The following GRIK2 variants were observed in gnomAD, a reference collection of about 807,000 sequenced individuals.
GRIK2 encodes glutamate ionotropic receptor kainate type subunit 2.
GRIK2 carries 32 observed loss-of-function variants against 100.3 expected under a neutral mutation model. The ratio of observed to expected loss-of-function variants is 0.32; its 90% CI spans 0.24 to 0.43. The LOEUF is 0.43. Among genes scored for constraint, GRIK2 ranks in the 20% least tolerant of loss-of-function variants. The pLI, the probability that GRIK2 is intolerant of heterozygous loss-of-function variation, is 1.00. For synonymous variants in GRIK2, 417 were observed against 389.4 expected (o/e 1.07, Z -0.83); for missense variants, 843 against 1,114.9 (o/e 0.76, Z 3.47).
At chr6:101,720,446 C>T (rs1583020169) in intron 7 of GRIK2, among the ~76,000 whole-genome samples, 1 of 151,878 alleles carries the variant, frequency 6.6e-6, no homozygotes, top group East Asian at 1.9e-4. Flanking sequence ...CTTAAATATT[C>T]ATCAAACAGA....
chr6:101,585,078 T>C (rs2128304413), intron 2 of GRIK2, among the ~76,000 whole-genome samples: 1 of 152,126 alleles, frequency 6.6e-6, no homozygotes, highest in Admixed American at 6.6e-5. Context: ...CTCAGCTATA[T>C]GAATAATTGA....
intron 13 of GRIK2, among the ~76,000 whole-genome samples, chr6:101,926,978 A>G (rs779949858): frequency 2.0e-5 from 3 of 152,216 alleles, no homozygotes; most frequent in Non-Finnish European, 2.9e-5. Flanking sequence ...TAGGCAGCCA[A>G]TGCTGCTCAT....
At chr6:101,955,576 T>TTCTCTCTCTCTCTATCTCTC (rs1791868143) in intron 14 of GRIK2, among the ~76,000 whole-genome samples, 1 of 116,288 alleles carries the variant, frequency 8.6e-6, no homozygotes, top group Non-Finnish European at 1.7e-5. Context: ...GAGCAAGGCC[T>TTCTCTCTCTCTCTATCTCTC]TCTCTCTCTC....
In GRIK2 at chr6:101,996,382, T is replaced by G. The variant is rs549189220; in HGVS notation, c.2086-38959T>G. ...TGAAGAAATAATGTTTTTAACTACT[T>G]TAATTATGCTTCTTTCTTTCCTATT... On this transcript the variant is annotated intron_variant, in intron 14 of 16. Coordinates refer to ENST00000369134, the MANE Select transcript of GRIK2 (RefSeq NM_021956.5). Among the ~76,000 whole-genome samples the G allele has an allele frequency of 3.4e-4, 51 of 152,120 alleles. 1 individual carries two copies. The highest frequency in any genetic ancestry group is 1.2e-3 in the African/African-American group (48 of 41,526).
At chr6:101,798,883 C>T (rs574236421) in intron 7 of GRIK2, among the ~76,000 whole-genome samples, 2 of 152,188 alleles carry the variant, frequency 1.3e-5, no homozygotes, top group South Asian at 4.2e-4. Context: ...CATCAACCTC[C>T]AAAGTGGTTG....
chr6:101,399,693 C>T (rs1248737770), intron 2 of GRIK2, among the ~76,000 whole-genome samples: 1 of 152,212 alleles, frequency 6.6e-6, no homozygotes, highest in Non-Finnish European at 1.5e-5. Flanking sequence ...CCGCCACTCC[C>T]GCCTGTCTCC....
chr6:101,789,673 T>G (rs2128406930), intron 7 of GRIK2, among the ~76,000 whole-genome samples: 1 of 152,332 alleles, frequency 6.6e-6, no homozygotes, highest in East Asian at 1.9e-4. Flanking sequence ...GGCTTAGGAT[T>G]GACTTGGCGA....
At chr6:101,917,273 C>T (rs1789178228) in intron 12 of GRIK2, among the ~76,000 whole-genome samples, 1 of 151,638 alleles carries the variant, frequency 6.6e-6, no homozygotes, top group African/African-American at 2.4e-5. Flanking sequence ...GGAGACACAA[C>T]TATGAAGTCC....
At chr6:101,744,368 G>A (rs1213936832) in intron 7 of GRIK2, among the ~76,000 whole-genome samples, 3 of 151,322 alleles carry the variant, frequency 2.0e-5, no homozygotes, top group Admixed American at 1.3e-4. Flanking sequence ...GAGAATATAC[G>A]ATGTTTGGTT....
intron 14 of GRIK2, among the ~76,000 whole-genome samples, chr6:101,987,086 T>C (rs59046619): frequency 0.11 from 17,133 of 151,806 alleles, 2,701 homozygotes; most frequent in African/African-American, 0.35. Context: ...AAATTTGCAA[T>C]GAGCTATGAT....
At chr6:101,549,336 G>A (rs575266675) in intron 2 of GRIK2, among the ~76,000 whole-genome samples, 1 of 151,670 alleles carries the variant, frequency 6.6e-6, no homozygotes, top group Non-Finnish European at 1.5e-5. Context: ...AGCCTGGTAG[G>A]GTGGGAGGAG....
At chr6:101,650,533 C>T (rs1386070289) in intron 4 of GRIK2, among the ~76,000 whole-genome samples, 4 of 152,084 alleles carry the variant, frequency 2.6e-5, no homozygotes, top group African/African-American at 9.7e-5. Context: ...GAGTGAGGTG[C>T]ATTAGCAGAA....
intron 10 of GRIK2, among the ~76,000 whole-genome samples, chr6:101,829,269 T>C: frequency 6.6e-6 from 1 of 151,568 alleles, no homozygotes; most frequent in East Asian, 1.9e-4. Flanking sequence ...CTGTCAATGC[T>C]AAACCCACAG....
At chr6:101,734,194 T>C (rs1199913012) in intron 7 of GRIK2, among the ~76,000 whole-genome samples, 1 of 152,042 alleles carries the variant, frequency 6.6e-6, no homozygotes, top group Non-Finnish European at 1.5e-5. Context: ...GATAATATAG[T>C]ACAAGAAACT....
intron 7 of GRIK2, among the ~76,000 whole-genome samples, chr6:101,799,234 T>C (rs1780515847): frequency 6.6e-6 from 1 of 151,970 alleles, no homozygotes; most frequent in African/African-American, 2.4e-5. Context: ...TTATATAGAA[T>C]ATGTAATTTA....
chr6:101,737,224 C>G (rs887519776), intron 7 of GRIK2, among the ~76,000 whole-genome samples: 1 of 152,160 alleles, frequency 6.6e-6, no homozygotes, highest in African/African-American at 2.4e-5. Flanking sequence ...CACCCTCTGT[C>G]TGTTACCAAG....
At position 101,799,631 on chromosome 6, in the gene GRIK2, T is replaced by G. The variant is rs1292723014; in HGVS notation, c.952-17T>G. 1 of 1,608,470 alleles carries G rather than the reference T, an allele frequency of 6.2e-7. No homozygotes were observed. The highest frequency in any genetic ancestry group is 2.2e-5 in the East Asian group (1 of 44,826). On this transcript the variant is annotated splice_polypyrimidine_tract_variant and intron_variant, in intron 7 of 16. Transcript: ENST00000369134. ...AAGTTATATTGACTATAAATTTCCC[T>G]TTCCCTTGCTTTTCAGACTGATGCT...
chr6:101,803,086 AG>A (rs944158057), intron 9 of GRIK2, among the ~76,000 whole-genome samples: 3 of 151,936 alleles, frequency 2.0e-5, no homozygotes, highest in African/African-American at 7.2e-5. Context: ...ATAATTGACA[AG>A]AGATATTAAA....
chr6:101,638,456 C>G (rs188636346), intron 4 of GRIK2, among the ~76,000 whole-genome samples: 49 of 151,292 alleles, frequency 3.2e-4, no homozygotes, highest in Non-Finnish European at 3.8e-4. Flanking sequence ...AGAAGGGTTG[C>G]CAGAAAATAC....
Sources: gnomAD v4.1 joint callset for allele counts (sites outside exome capture counted in the v4.1 genomes callset) on GRCh38, gnomAD v4.1.1 for gene constraint, MANE v1.5 for transcripts, NCBI Gene and HGNC (gene_info 2026-07-23, HGNC 2026-07-21) for gene names.